SCP2: variants seen among roughly 807,000 people sequenced by gnomAD.
SCP2 encodes sterol carrier protein 2, also known as SCP-2/3-oxoacyl-CoA thiolase.
Under a neutral mutation model 71.4 loss-of-function variants are expected in SCP2, and 48 were observed. That is an observed-to-expected ratio of 0.67 (90% CI 0.53 to 0.86). SCP2 has a LOEUF of 0.86. SCP2 is among the 40% of genes least tolerant of loss of function. The pLI is 0.00. For synonymous variants in SCP2, 220 were observed against 218.1 expected, an observed-to-expected ratio of 1.01 and a Z score of -0.08; for missense variants, 560 against 655.6, an observed-to-expected ratio of 0.85 and a Z score of 1.59.
chr1:52,949,312 C>A (rs1415767523), intron 3 of SCP2, among the ~76,000 whole-genome samples: 2 of 152,174 alleles, frequency 1.3e-5, no homozygotes, highest in Non-Finnish European at 2.9e-5. Flanking sequence ...GGAGCCTGTA[C>A]CTTCAGATAT....
rs188993020 is a variant in SCP2 at position 52,940,810 on chromosome 1, G to A, written c.70-986G>A. On this transcript the variant is annotated intron_variant, in intron 1 of 15. Coordinates refer to ENST00000371514, the MANE Select transcript of SCP2 (RefSeq NM_002979.5). ...CTGTCATCCAGGCTGGAGTGCAGTGGCACTATCTCGGCTCACTGCAACCTC... is the reference window on the plus strand; with the variant it reads ...CTGTCATCCAGGCTGGAGTGCAGTGACACTATCTCGGCTCACTGCAACCTC... 2.4e-3 allele frequency among the ~76,000 whole-genome samples: 364 copies of A among 152,248 alleles called. 1 individual carries two copies. The highest frequency in any genetic ancestry group is 4.0e-3 in the Non-Finnish European group (272 of 68,014).
At chr1:52,948,624 C>CAAA (rs567151231) in intron 3 of SCP2, among the ~76,000 whole-genome samples, 12 of 49,500 alleles carry the variant, frequency 2.4e-4, no homozygotes, top group African/African-American at 4.6e-4. Flanking sequence ...GACTCCATCT[C>CAAA]AAAAAAAAAA....
chr1:53,034,844 G>A (rs1247059679), intron 13 of SCP2, among the ~76,000 whole-genome samples: 6 of 152,118 alleles, frequency 3.9e-5, no homozygotes, highest in East Asian at 1.9e-4. Flanking sequence ...GGTGGCTCAC[G>A]CCTGTAATCT....
intron 10 of SCP2, among the ~76,000 whole-genome samples, chr1:52,984,468 T>G: frequency 6.6e-6 from 1 of 152,164 alleles, no homozygotes; most frequent in Non-Finnish European, 1.5e-5. Flanking sequence ...GAACATATTC[T>G]GCCTAATATG....
intron 6 of SCP2, 21 bp downstream of exon 6, chr1:52,961,650 T>G (rs755562604): frequency 1.2e-6 from 2 of 1,609,112 alleles, no homozygotes; most frequent in Non-Finnish European, 1.7e-6. Context: ...GTTAAAAAAC[T>G]TTGAGGCTTC....
At chr1:52,954,184 G>A (rs1429861986) in intron 4 of SCP2, among the ~76,000 whole-genome samples, 4 of 150,600 alleles carry the variant, frequency 2.7e-5, no homozygotes, top group South Asian at 2.1e-4. Context: ...TGGCACATTC[G>A]TGTGCCACCC....
At chr1:53,007,118 C>T (rs1278915340) in intron 11 of SCP2, among the ~76,000 whole-genome samples, 2 of 152,094 alleles carry the variant, frequency 1.3e-5, no homozygotes, top group African/African-American at 2.4e-5. Flanking sequence ...CAGGAGCACC[C>T]GGATTCATAA....
At chr1:52,935,301 G>T (rs1001550538) in intron 1 of SCP2, among the ~76,000 whole-genome samples, 1 of 150,990 alleles carries the variant, frequency 6.6e-6, no homozygotes, top group African/African-American at 2.4e-5. Flanking sequence ...CCTCCACTTG[G>T]CGGGGCGTGG....
At chr1:53,029,745 A>C (rs1460493327) in intron 13 of SCP2, among the ~76,000 whole-genome samples, 1 of 152,178 alleles carries the variant, frequency 6.6e-6, no homozygotes, top group Non-Finnish European at 1.5e-5. Flanking sequence ...AACCGTCCTG[A>C]GGGAGAGCAG....
chr1:53,013,752 G>C (rs1244888234), intron 11 of SCP2, among the ~76,000 whole-genome samples: 1 of 152,078 alleles, frequency 6.6e-6, no homozygotes, highest in Admixed American at 6.5e-5. Flanking sequence ...AAATTTCTTG[G>C]GGAAGTTGGG....
At chr1:53,021,776 C>A (rs572906669) in intron 12 of SCP2, among the ~76,000 whole-genome samples, 2 of 151,672 alleles carry the variant, frequency 1.3e-5, no homozygotes, top group South Asian at 4.2e-4. Flanking sequence ...TCCCGAGTAG[C>A]TGGGACTACA....
In SCP2 at chr1:53,007,804, A is replaced by C. The variant is rs1660725710; in HGVS notation, c.1082-7086A>C. Among the ~76,000 whole-genome samples, 2 of 152,192 alleles carry C rather than the reference A, an allele frequency of 1.3e-5. 1 individual carries two copies. The highest frequency in any genetic ancestry group is 1.3e-4 in the Admixed American group (2 of 15,280). On this transcript the variant is annotated intron_variant, in intron 11 of 15. Coordinates refer to ENST00000371514, the MANE Select transcript of SCP2 (RefSeq NM_002979.5). ...GAGCAGAACTGAAGGGGATAGAGAC[A>C]CAAAAAAACCCTTCAAAAAATCAAT...
chr1:52,985,744 C>G (rs1392830890), intron 10 of SCP2, among the ~76,000 whole-genome samples: 3 of 152,228 alleles, frequency 2.0e-5, no homozygotes, highest in Non-Finnish European at 4.4e-5. Context: ...CTTCCTTCTT[C>G]AAGCACTGGA....
intron 10 of SCP2, among the ~76,000 whole-genome samples, chr1:52,987,078 T>A (rs930100357): frequency 6.7e-6 from 1 of 150,232 alleles, no homozygotes; most frequent in Non-Finnish European, 1.5e-5. Context: ...GCCTGGCTAA[T>A]TTTTGTATTT....
intron 11 of SCP2, among the ~76,000 whole-genome samples, chr1:52,992,164 C>A (rs985739737): frequency 6.6e-6 from 1 of 152,122 alleles, no homozygotes. Flanking sequence ...AGTAAAAGTT[C>A]TACCACAGTT....
At chr1:52,970,320 G>A (rs1364424063) in intron 6 of SCP2, among the ~76,000 whole-genome samples, 5 of 152,040 alleles carry the variant, frequency 3.3e-5, no homozygotes, top group African/African-American at 1.2e-4. Flanking sequence ...TGCAATCATG[G>A]TGCACCACAG....
At chr1:52,993,425 G>A (rs556297688) in intron 11 of SCP2, 27 of 1,614,006 alleles carry the variant, frequency 1.7e-5, no homozygotes, top group Non-Finnish European at 2.3e-5. Context: ...ATCCAGATCT[G>A]CTTTATTACC....
intron 11 of SCP2, among the ~76,000 whole-genome samples, chr1:52,992,738 A>C (rs1659608885): frequency 6.6e-6 from 1 of 152,212 alleles, no homozygotes; most frequent in African/African-American, 2.4e-5. Context: ...AGTGTATTTA[A>C]GGTTAACAAA....
In SCP2 at chr1:53,043,078, C is replaced by T. The variant is rs140221804; in HGVS notation, c.1468+4032C>T. Among the ~76,000 whole-genome samples, 322 of 152,292 alleles carry T rather than the reference C, an allele frequency of 2.1e-3. 1 individual carries two copies. Among genetic ancestry groups the T allele is most frequent in the Non-Finnish European group, 3.6e-3 (244 of 68,020 alleles). On this transcript the variant is annotated intron_variant, in intron 14 of 15. Coordinates refer to ENST00000371514, the MANE Select transcript of SCP2 (RefSeq NM_002979.5). ...CTGTCCCTTTATGGGCAGCATGATA[C>T]AGAAAGCTTCAGGGTCTCCTATCCC...
Sources: allele counts gnomAD v4.1 joint callset (sites outside exome capture counted in the v4.1 genomes callset), GRCh38; gene constraint gnomAD v4.1.1; transcripts MANE v1.5; gene names NCBI Gene and HGNC (gene_info 2026-07-23, HGNC 2026-07-21).